Variants in SMPDL3A observed in about 807,000 individuals in gnomAD.
SMPDL3A encodes sphingomyelin phosphodiesterase acid like 3A.
A neutral mutation model predicts 38.5 loss-of-function variants in SMPDL3A; 39 were observed. The ratio of observed to expected loss-of-function variants is 1.01; its 90% CI spans 0.78 to 1.32. SMPDL3A has a LOEUF of 1.32. Among genes scored for constraint, SMPDL3A ranks in the 40% most tolerant of loss-of-function variants. SMPDL3A has a pLI of 0.00. For synonymous variants in SMPDL3A, 180 were observed against 194.3 expected, an observed-to-expected ratio of 0.93 and a Z score of 0.61; for missense variants, 502 against 536.2, an observed-to-expected ratio of 0.94 and a Z score of 0.63.
intron 6 of SMPDL3A, 137 bp downstream of exon 6, chr6:122,805,226 C>A: frequency 1.5e-6 from 1 of 681,080 alleles, no homozygotes; most frequent in Non-Finnish European, 2.3e-6. Flanking sequence ...CTGAATTATC[C>A]TCAATGGTTG....
intron 4 of SMPDL3A, among the ~76,000 whole-genome samples, chr6:122,802,051 G>T (rs1781442507): frequency 6.6e-6 from 1 of 152,126 alleles, no homozygotes; most frequent in Non-Finnish European, 1.5e-5. Context: ...ACTTCTTTCG[G>T]TATTTTTGTT....
At chr6:122,789,672 G>A in intron 1 of SMPDL3A, 1 of 335,310 alleles carries the variant, frequency 3.0e-6, no homozygotes, top group East Asian at 1.7e-4. Context: ...GGAGGCCGGG[G>A]CTGGGCGGGG....
chr6:122,795,717 T>G lies in SMPDL3A; in HGVS notation c.153T>G (p.Thr51=). 6.2e-7 allele frequency: 1 copy of G among 1,614,194 alleles called. No individual in the cohort carries two copies. The highest frequency in any genetic ancestry group is 8.5e-7 in the Non-Finnish European group (1 of 1,180,030). ...WHVTDLHLDP[T]YHITDDHTKV... ...TGACTGACTTACACTTAGACCCTACTTACCACATCACAGATGACCACACAA... is the reference window on the plus strand; with the variant it reads ...TGACTGACTTACACTTAGACCCTACGTACCACATCACAGATGACCACACAA... The change falls in exon 2 of 8, where the codon ACT becomes ACG. Residue 51 remains threonine, a synonymous_variant. Transcript: ENST00000368440.
intron 1 of SMPDL3A, among the ~76,000 whole-genome samples, chr6:122,792,151 A>G (rs772151355): frequency 6.6e-6 from 1 of 152,254 alleles, no homozygotes; most frequent in Non-Finnish European, 1.5e-5. Flanking sequence ...GGAGAGGGAC[A>G]TGAGGCTTCC....
chr6:122,794,120 A>G (rs1781163211), intron 1 of SMPDL3A, among the ~76,000 whole-genome samples: 1 of 152,170 alleles, frequency 6.6e-6, no homozygotes, highest in South Asian at 2.1e-4. Context: ...CAAATTTTCT[A>G]TTTGACCCAG....
intron 1 of SMPDL3A, among the ~76,000 whole-genome samples, chr6:122,791,226 A>G (rs1432116253): frequency 6.6e-6 from 1 of 152,088 alleles, no homozygotes; most frequent in African/African-American, 2.4e-5. Flanking sequence ...TGGTGGTCGG[A>G]CGACAGAAGT....
intron 3 of SMPDL3A, 120 bp downstream of exon 3, chr6:122,797,088 G>T: frequency 1.4e-6 from 1 of 727,854 alleles, no homozygotes; most frequent in Non-Finnish European, 2.2e-6. Flanking sequence ...GGAGAATATG[G>T]TCTTAATCCT....
At position 122,797,180 on chromosome 6, in the gene SMPDL3A, G is replaced by A. The variant is rs148512484; in HGVS notation, c.471+212G>A. 1,916 of 413,254 alleles carry A rather than the reference G, an allele frequency of 4.6e-3. 32 individuals are homozygous for A. The highest frequency in any genetic ancestry group is 0.035 in the African/African-American group (1,726 of 49,004). The allele number at this position is 413,254 out of a possible 1,614,324, so 25.6% of individuals were successfully genotyped here. A position where few individuals can be genotyped will look rare whatever the true frequency, so the allele number is the denominator to read the frequency against. ...TACTTCATGAGAAGTTGTATCAATA[G>A]TGAGTTTTCAGAATAAAATTATCCA... On this transcript the variant is annotated intron_variant, in intron 3 of 7. Transcript: ENST00000368440.
At chr6:122,795,957 G>A in intron 2 of SMPDL3A, 67 bp downstream of exon 2, 1 of 1,148,526 alleles carries the variant, frequency 8.7e-7, no homozygotes, top group Non-Finnish European at 1.3e-6. Flanking sequence ...CTTCATAAGA[G>A]TGCTGAATTC....
At chr6:122,791,776 C>T (rs1415639564) in intron 1 of SMPDL3A, among the ~76,000 whole-genome samples, 1 of 152,192 alleles carries the variant, frequency 6.6e-6, no homozygotes, top group Admixed American at 6.5e-5. Context: ...TCACTGCAAA[C>T]TCCGCCTCCC....
Position 122,801,309 on chromosome 6 carries a change from G to A in SMPDL3A, c.472-1G>A. The stretch of plus-strand genomic sequence containing the variant: ...TGGTGGATTATATTGTTTGTGGCCA[G>A]GATCAACTGCCTGTAGTCACCAGTA... On this transcript the variant is annotated splice_acceptor_variant, in intron 3 of 7. Transcript: ENST00000368440. LOFTEE classifies it high-confidence loss of function. 6.2e-7 allele frequency: 1 copy of A among 1,607,652 alleles called. No individual in the cohort carries two copies. Among genetic ancestry groups the A allele is most frequent in the Admixed American group, 1.7e-5 (1 of 59,868 alleles).
At position 122,809,372 on chromosome 6, in the gene SMPDL3A, T is replaced by C; in HGVS notation, c.1326T>C (p.Asp442=). 6.2e-7 allele frequency: 1 copy of C among 1,613,908 alleles called. No individual in the cohort carries two copies. Among genetic ancestry groups the C allele is most frequent in the Non-Finnish European group, 8.5e-7 (1 of 1,179,898 alleles). ...IMNLDNISYA[D]CLKQLYIKHN... ...ATCTTGATAATATTTCCTATGCAGA[T>C]TGCCTCAAACAGCTTTATATAAAGC... Residue 442 remains aspartate (D), a synonymous_variant, in exon 8 of 8, where the codon GAT becomes GAC. Transcript: ENST00000368440.
At chr6:122,805,479 G>T (rs1403946045) in intron 6 of SMPDL3A, among the ~76,000 whole-genome samples, 1 of 152,126 alleles carries the variant, frequency 6.6e-6, no homozygotes, top group Admixed American at 6.5e-5. Context: ...AGAAAGCAAA[G>T]CACAATTTAC....
At chr6:122,791,391 T>C (rs1360037968) in intron 1 of SMPDL3A, among the ~76,000 whole-genome samples, 2 of 152,202 alleles carry the variant, frequency 1.3e-5, no homozygotes, top group Non-Finnish European at 2.9e-5. Context: ...AACTGTAACC[T>C]AGCTTAATAG....
In SMPDL3A at chr6:122,805,748, G is replaced by A. The variant is rs753060871; in HGVS notation, c.920-485G>A. On this transcript the variant is annotated intron_variant, in intron 6 of 7. Coordinates refer to ENST00000368440, the MANE Select transcript of SMPDL3A (RefSeq NM_006714.5). ...AGTGATTATCCTGCCTCAGCCTCCC[G>A]AGTAGCTGGGACTACATGTGTGTCA... Among the ~76,000 whole-genome samples, 11 of 152,082 alleles carry A rather than the reference G, an allele frequency of 7.2e-5. 1 individual carries two copies. The highest frequency in any genetic ancestry group is 1.2e-4 in the Non-Finnish European group (8 of 68,008).
chr6:122,809,598 G>A lies in SMPDL3A; in HGVS notation c.*190G>A, dbSNP rs7573. On this transcript the variant is annotated 3_prime_UTR_variant, in exon 8 of 8. Coordinates refer to ENST00000368440, the MANE Select transcript of SMPDL3A (RefSeq NM_006714.5). Reference sequence around the variant, plus strand: ...TTCTGAATTGTATTATATATTTAAAGTGCTCATTAATAGAATGATGGATGT... The same window carrying A: ...TTCTGAATTGTATTATATATTTAAAATGCTCATTAATAGAATGATGGATGT... The A allele has an allele frequency of 0.35, 163,976 of 470,790 alleles. 30,023 individuals are homozygous for A. Among genetic ancestry groups the A allele is most frequent in the South Asian group, 0.53 (12,984 of 24,426 alleles). 29.2% of individuals were successfully genotyped at this position (470,790 alleles called of 1,614,324 possible). A position where few individuals can be genotyped will look rare whatever the true frequency, so the allele number is the denominator to read the frequency against.
In SMPDL3A at chr6:122,803,745, A is replaced by G; in HGVS notation, c.650A>G (p.Asn217Ser). 1.2e-6 allele frequency: 2 copies of G among 1,614,020 alleles called. No homozygotes were observed. The highest frequency in any genetic ancestry group is 1.7e-6 in the Non-Finnish European group (2 of 1,179,946). ...SLNTNLYYGP[N>S]IMTLNKTDPA... Reference sequence around the variant, plus strand: ...AACACAAACTTGTACTACGGCCCAAATATAATGACACTGAACAAGACTGAC... The same window carrying G: ...AACACAAACTTGTACTACGGCCCAAGTATAATGACACTGAACAAGACTGAC... The change falls in exon 5 of 8, where the codon AAT becomes AGT. Residue 217 changes from asparagine (N) to serine (S), a missense_variant. Asn to Ser is a conservative substitution (Grantham distance 46). Coordinates refer to ENST00000368440, the MANE Select transcript of SMPDL3A (RefSeq NM_006714.5).
chr6:122,808,973 C>T (rs1582564503), intron 7 of SMPDL3A, 118 bp from the exon 8 acceptor site: 4 of 794,048 alleles, frequency 5.0e-6, no homozygotes, highest in East Asian at 2.6e-5. Flanking sequence ...GGATTACAGG[C>T]GTGAGCCACA....
At chr6:122,804,418 C>A (rs1204868796) in intron 5 of SMPDL3A, among the ~76,000 whole-genome samples, 2 of 152,040 alleles carry the variant, frequency 1.3e-5, no homozygotes, top group Admixed American at 1.3e-4. Context: ...ATTCTCCCAC[C>A]TCAGACTCCT....
Sources: allele counts gnomAD v4.1 joint callset (sites outside exome capture counted in the v4.1 genomes callset), GRCh38; gene constraint gnomAD v4.1.1; transcripts MANE v1.5; gene names NCBI Gene and HGNC (gene_info 2026-07-23, HGNC 2026-07-21).